CILP: variants seen among roughly 807,000 people sequenced by gnomAD.
CILP encodes the protein cartilage intermediate layer protein, also known as cartilage intermediate layer protein 1.
A neutral mutation model predicts 82.5 loss-of-function variants in CILP; 75 were observed. The ratio of observed to expected loss-of-function variants is 0.91; its 90% CI spans 0.75 to 1.10. The LOEUF (loss-of-function observed/expected upper bound fraction) is 1.10, where lower values mean the gene tolerates loss of function less well. Ranked by LOEUF, CILP falls within the 50% of genes least tolerant of loss-of-function variation. CILP has a pLI of 0.00. For missense variants in CILP, 1,479 were observed against 1,530.8 expected, an observed-to-expected ratio of 0.97 and a Z score of 0.56; for synonymous variants, 530 against 580.3, an observed-to-expected ratio of 0.91 and a Z score of 1.25.
Position 65,204,568 on chromosome 15 carries a change from A to G in CILP, c.619T>C (p.Cys207Arg). 6.2e-7 allele frequency: 1 copy of G among 1,603,924 alleles called. No homozygotes were observed. The highest frequency in any genetic ancestry group is 8.5e-7 in the Non-Finnish European group (1 of 1,177,582). ...TCAGCATTCACCTGGCCCATTGGGC[A>G]GGTCAGGTCACAGGCTGTGGAACAA... ...GQDCTACDLTCPMGQVNADCD... is the reference protein window; with the variant it reads ...GQDCTACDLTRPMGQVNADCD... Residue 207 changes from cysteine (C) to arginine (R), a missense_variant, in exon 6 of 9, where the codon TGC (cysteine) becomes CGC (arginine). By Grantham distance (180) the Cys-to-Arg change is radical. Coordinates refer to ENST00000261883, the MANE Select transcript of CILP (RefSeq NM_003613.4).
chr15:65,207,345 C>T (rs1198707998), intron 3 of CILP, among the ~76,000 whole-genome samples: 1 of 152,172 alleles, frequency 6.6e-6, no homozygotes, highest in Non-Finnish European at 1.5e-5. Flanking sequence ...CACATCACCT[C>T]CAGCTTTAAG....
Position 65,198,108 on chromosome 15 carries a change from G to A in CILP, c.2178C>T (p.Asp726=). 6.2e-7 allele frequency: 1 copy of A among 1,614,232 alleles called. No homozygotes were observed. Among genetic ancestry groups the A allele is most frequent in the Non-Finnish European group, 8.5e-7 (1 of 1,180,048 alleles). The part of the protein sequence containing the change: ...FENQRRNKRE[D]RTFLVGNLEI... The stretch of plus-strand genomic sequence containing the variant: ...CCAGGTTGCCCACCAGGAAGGTTCT[G>A]TCTTCTCTTTTGTTCCTCCTTTGAT... The change falls in exon 9 of 9, where the codon GAC becomes GAT. Residue 726 remains aspartate (D), a synonymous_variant. Coordinates refer to ENST00000261883, the MANE Select transcript of CILP (RefSeq NM_003613.4).
chr15:65,207,056 G>A lies in CILP; in HGVS notation c.155-5C>T. On this transcript the variant is annotated splice_region_variant and splice_polypyrimidine_tract_variant and intron_variant, in intron 3 of 8. Transcript: ENST00000261883. Reference sequence around the variant, plus strand: ...ATGTTGTCCACTCACCAGGGCCTGAGAGACATAGCCAAATTGCGGAGGAGC... The same window carrying A: ...ATGTTGTCCACTCACCAGGGCCTGAAAGACATAGCCAAATTGCGGAGGAGC... 3 of 1,608,232 alleles carry A rather than the reference G, an allele frequency of 1.9e-6. No individual in the cohort carries two copies. Among genetic ancestry groups the A allele is most frequent in the East Asian group, 2.2e-5 (1 of 44,746 alleles).
chr15:65,197,841 C>G lies in CILP; in HGVS notation c.2445G>C (p.Gln815His). The change falls in exon 9 of 9, where the codon CAG (glutamine) becomes CAC (histidine). Residue 815 changes from glutamine to histidine, a missense_variant. Physicochemically the swap from Gln to His is conservative, Grantham distance 24 (BLOSUM62 0). Transcript: ENST00000261883. ...GACVPAFCDD[Q>H]SPDAYSAYVL... ...CATAGGCAGAGTAGGCATCAGGGGA[C>G]TGGTCATCACAGAAGGCAGGCACAC... 6.2e-7 allele frequency: 1 copy of G among 1,614,140 alleles called. No homozygotes were observed. Among genetic ancestry groups the G allele is most frequent in the Non-Finnish European group, 8.5e-7 (1 of 1,180,040 alleles).
chr15:65,204,140 C>CAGATA, intron 6 of CILP, 128 bp downstream of exon 6: 1 of 760,408 alleles, frequency 1.3e-6, no homozygotes, highest in Admixed American at 2.9e-5. Flanking sequence ...AATATAGTGC[C>CAGATA]ATGTGGGCCA....
intron 7 of CILP, among the ~76,000 whole-genome samples, chr15:65,202,244 A>G (rs1338692014): frequency 6.6e-6 from 1 of 152,070 alleles, no homozygotes; most frequent in Non-Finnish European, 1.5e-5. Flanking sequence ...CTGGCTGGGG[A>G]TGCTTGGACA....
intron 6 of CILP, 140 bp downstream of exon 6, chr15:65,204,128 A>G: frequency 1.5e-6 from 1 of 688,166 alleles, no homozygotes; most frequent in Non-Finnish European, 2.4e-6. Flanking sequence ...GGAGGGCCAG[A>G]TAATATAGTG....
intron 4 of CILP, 113 bp downstream of exon 4, chr15:65,206,669 G>T: frequency 1.7e-6 from 2 of 1,162,488 alleles, no homozygotes; most frequent in Non-Finnish European, 2.4e-6. Flanking sequence ...CAGAGTCCAA[G>T]CATACGCATG....
chr15:65,207,651 C>A, intron 3 of CILP, 21 bp downstream of exon 3: 1 of 1,610,510 alleles, frequency 6.2e-7, no homozygotes. Context: ...CCAGCCCCTC[C>A]CTGCTTCAGC....
rs1163059767 is a variant in CILP at position 65,197,397 on chromosome 15, T to G, written c.2889A>C (p.Pro963=). The change falls in exon 9 of 9, where the codon CCA becomes CCC. Residue 963 remains proline (P), a synonymous_variant. Coordinates refer to ENST00000261883, the MANE Select transcript of CILP (RefSeq NM_003613.4). ...TGCGGGATCGCACATTCACTTCCAG[T>G]GGCCCCACAATCTTCACCTTGATAT... The part of the protein sequence containing the change: ...ACYIKVKIVG[P]LEVNVRSRNM... 6.2e-7 allele frequency: 1 copy of G among 1,614,112 alleles called. No individual in the cohort carries two copies. Among genetic ancestry groups the G allele is most frequent in the Non-Finnish European group, 8.5e-7 (1 of 1,180,048 alleles).
chr15:65,210,176 T>C (rs1201666200), intron 1 of CILP, among the ~76,000 whole-genome samples: 1 of 151,766 alleles, frequency 6.6e-6, no homozygotes, highest in Non-Finnish European at 1.5e-5. Context: ...AGCCTCTTGG[T>C]GACTCGTCAC....
intron 2 of CILP, 66 bp downstream of exon 2, chr15:65,209,629 C>G: frequency 1.3e-6 from 2 of 1,520,320 alleles, no homozygotes; most frequent in Middle Eastern, 1.7e-4. Flanking sequence ...AGTTCAGTCC[C>G]AGACCAGACA....
Position 65,195,943 on chromosome 15 carries a change from C to A in CILP, c.*788G>T, listed in dbSNP as rs73477353. 6.8e-3 allele frequency: 1,036 copies of A among 152,336 alleles called. 7 individuals carry two copies. Among genetic ancestry groups the A allele is most frequent in the African/African-American group, 0.024 (979 of 41,558 alleles). The allele number at this position is 152,336 out of a possible 1,614,324, so 9.4% of individuals were successfully genotyped here. On this transcript the variant is annotated 3_prime_UTR_variant, in exon 9 of 9. Transcript: ENST00000261883. ...ACCACCTGTGACTGCTTTCCAGAGTCCCCTGTACTCCTCTGAGAAGCTGGC... is the reference window on the plus strand; with the variant it reads ...ACCACCTGTGACTGCTTTCCAGAGTACCCTGTACTCCTCTGAGAAGCTGGC...
rs144548738 is a variant in CILP at position 65,198,809 on chromosome 15, G to A, written c.1477C>T (p.Arg493Trp). The A allele has an allele frequency of 1.1e-4, 176 of 1,614,024 alleles. No individual in the cohort carries two copies. Among genetic ancestry groups the A allele is most frequent in the Middle Eastern group, 1.6e-4 (1 of 6,084 alleles). Residue 493 changes from arginine to tryptophan, a missense_variant, in exon 9 of 9, where the codon CGG becomes TGG. By Grantham distance (101) the Arg-to-Trp change is moderately radical. Coordinates refer to ENST00000261883, the MANE Select transcript of CILP (RefSeq NM_003613.4). ...QRCTETRSIVRGRVSAADNGE... is the reference protein window; with the variant it reads ...QRCTETRSIVWGRVSAADNGE... ...TTGTCAGCAGCACTGACACGGCCCC[G>A]CACGATGCTCCGAGTTTCCGTACAC...
chr15:65,209,721 A>G lies in CILP; in HGVS notation c.35T>C (p.Leu12Pro). ...VGTKAWVFSFLVLEVTSVLGR... is the reference protein window; with the variant it reads ...VGTKAWVFSFPVLEVTSVLGR... ...CAACACAGATGTGACTTCCAGGACC[A>G]GGAAGGAGAACACCCAGGCCTTGGT... The change falls in exon 2 of 9, where the codon CTG becomes CCG. Residue 12 changes from leucine (L) to proline (P), a missense_variant. By Grantham distance (98) the Leu-to-Pro change is moderately conservative. Coordinates refer to ENST00000261883, the MANE Select transcript of CILP (RefSeq NM_003613.4). The G allele has an allele frequency of 6.2e-7, 1 of 1,614,154 alleles. No homozygotes were observed. The highest frequency in any genetic ancestry group is 8.5e-7 in the Non-Finnish European group (1 of 1,180,006).
chr15:65,207,078 G>A (rs1332377465), intron 3 of CILP, 27 bp from the exon 4 acceptor site: 2 of 1,598,904 alleles, frequency 1.3e-6, no homozygotes, highest in African/African-American at 2.7e-5. Context: ...AATTGCGGAG[G>A]AGCCGTGATC....
In CILP at chr15:65,198,035, G is replaced by A. The variant is rs775403820; in HGVS notation, c.2251C>T (p.Arg751Trp). Residue 751 changes from arginine (R) to tryptophan (W), a missense_variant, in exon 9 of 9, where the codon CGG becomes TGG. Transcript: ENST00000261883. ...TAGGCCCTCACCTTAACAAAGCACCGCCTGCTTTCAGGAACATCCAGGTTA... is the reference window on the plus strand; with the variant it reads ...TAGGCCCTCACCTTAACAAAGCACCACCTGCTTTCAGGAACATCCAGGTTA... Reference protein sequence around the residue: ...LFNLDVPESRRCFVKVRAYRS... With the variant: ...LFNLDVPESRWCFVKVRAYRS... 11 of 1,614,062 alleles carry A rather than the reference G, an allele frequency of 6.8e-6. No homozygotes were observed. The highest frequency in any genetic ancestry group is 1.3e-5 in the African/African-American group (1 of 74,916).
Position 65,197,602 on chromosome 15 carries a change from G to A in CILP, c.2684C>T (p.Ala895Val), listed in dbSNP as rs771628304. 6.2e-5 allele frequency: 100 copies of A among 1,614,070 alleles called. 1 individual carries two copies. The East Asian group carries it at 2.1e-3, about 34-fold the overall frequency. Residue 895 changes from alanine to valine, a missense_variant, in exon 9 of 9, where the codon GCC becomes GTC. Ala to Val is a moderately conservative substitution (Grantham distance 64). Coordinates refer to ENST00000261883, the MANE Select transcript of CILP (RefSeq NM_003613.4). ...TTCACATGCCCGGAGGTTCTCAAAG[G>A]CATAGATGGGCCCATTGCTCTCCTC... is the stretch of plus-strand genomic sequence containing the variant. ...SAEESNGPIY[A>V]FENLRACEEA... is the part of the protein sequence containing the mutation.
At chr15:65,203,510 G>A (rs778345355) in intron 6 of CILP, 40 bp from the exon 7 acceptor site, 1 of 1,465,982 alleles carries the variant, frequency 6.8e-7, no homozygotes, top group Non-Finnish European at 9.5e-7. Context: ...GGGTTTTTGT[G>A]TGTGTGTGTG....
Sources: gnomAD v4.1 joint callset for allele counts (sites outside exome capture counted in the v4.1 genomes callset) on GRCh38, gnomAD v4.1.1 for gene constraint, MANE v1.5 for transcripts, NCBI Gene and HGNC (gene_info 2026-07-23, HGNC 2026-07-21) for gene names.